The following NXPH1 variants were observed in gnomAD, a reference collection of about 807,000 sequenced individuals.
The protein encoded by NXPH1 is neurexophilin 1.
Under a neutral mutation model 23.7 loss-of-function variants are expected in NXPH1, and 5 were observed. That is an observed-to-expected ratio of 0.21 (90% CI 0.11 to 0.44). The LOEUF is 0.44. NXPH1 is among the 20% of genes least tolerant of loss of function. The pLI is 0.99. For missense variants in NXPH1, 324 were observed against 321.6 expected (o/e 1.01, Z -0.06); for synonymous variants, 144 against 122.2 (o/e 1.18, Z -1.18).
At chr7:8,604,173 T>A (rs1286585630) in intron 2 of NXPH1, among the ~76,000 whole-genome samples, 4 of 152,190 alleles carry the variant, frequency 2.6e-5, no homozygotes, top group Admixed American at 2.6e-4. Context: ...ATGTACTACT[T>A]GGTACATTTA....
chr7:8,546,542 T>C (rs1818200023), intron 2 of NXPH1, among the ~76,000 whole-genome samples: 1 of 151,476 alleles, frequency 6.6e-6, no homozygotes, highest in South Asian at 2.1e-4. Context: ...AGATGTTCTG[T>C]TTCAGTAGGT....
intron 2 of NXPH1, among the ~76,000 whole-genome samples, chr7:8,571,602 C>T (rs138036620): frequency 0.011 from 1,688 of 152,030 alleles, 16 homozygotes; most frequent in South Asian, 0.052. Flanking sequence ...AAATGCTAGA[C>T]ATATCCCTCT....
At chr7:8,545,565 A>G (rs1461824715) in intron 2 of NXPH1, among the ~76,000 whole-genome samples, 1 of 151,456 alleles carries the variant, frequency 6.6e-6, no homozygotes, top group East Asian at 1.9e-4. Flanking sequence ...CAAAATACTA[A>G]TCTGCAAATA....
chr7:8,528,371 G>A (rs1291999367), intron 2 of NXPH1, among the ~76,000 whole-genome samples: 1 of 152,252 alleles, frequency 6.6e-6, no homozygotes, highest in African/African-American at 2.4e-5. Flanking sequence ...CATTGCAGGA[G>A]AATGTGGTGG....
Position 8,435,830 on chromosome 7 carries a change from G to A in NXPH1, c.54+63G>A, listed in dbSNP as rs374736458. 3.3e-5 allele frequency: 48 copies of A among 1,471,978 alleles called. No homozygotes were observed. Among genetic ancestry groups the A allele is most frequent in the South Asian group, 3.2e-4 (28 of 88,246 alleles). The allele number at this position is 1,471,978 out of a possible 1,614,324, so 91.2% of individuals were successfully genotyped here. A position where few individuals can be genotyped will look rare whatever the true frequency, so the allele number is the denominator to read the frequency against. On this transcript the variant is annotated intron_variant, in intron 2 of 2. Coordinates refer to ENST00000405863, the MANE Select transcript of NXPH1 (RefSeq NM_152745.3). The surrounding 1 kb of genome is among the most constrained non-coding windows in gnomAD (Gnocchi z 5.9). ...CCCGGCCGGGAGGCAAGGAAACTGGGGACACGCGGGAGAAGGGTTACGCCG... is the reference window on the plus strand; with the variant it reads ...CCCGGCCGGGAGGCAAGGAAACTGGAGACACGCGGGAGAAGGGTTACGCCG...
At chr7:8,586,626 A>AATATATATAT (rs201601131) in intron 2 of NXPH1, among the ~76,000 whole-genome samples, 159 of 147,400 alleles carry the variant, frequency 1.1e-3, no homozygotes, top group African/African-American at 3.8e-3. Context: ...GAGAATAATG[A>AATATATATAT]ATATATATAT....
chr7:8,734,306 G>C (rs938422143), intron 2 of NXPH1, among the ~76,000 whole-genome samples: 4 of 152,142 alleles, frequency 2.6e-5, no homozygotes, highest in Non-Finnish European at 5.9e-5. Flanking sequence ...GTCAGGTAGC[G>C]TGATGCCTCC....
At chr7:8,679,578 T>C (rs1821019327) in intron 2 of NXPH1, among the ~76,000 whole-genome samples, 1 of 152,244 alleles carries the variant, frequency 6.6e-6, no homozygotes, top group Non-Finnish European at 1.5e-5. Context: ...TGTTTCTTTG[T>C]CACAAATTAA....
At chr7:8,635,466 G>T (rs1224202321) in intron 2 of NXPH1, among the ~76,000 whole-genome samples, 1 of 152,108 alleles carries the variant, frequency 6.6e-6, no homozygotes, top group African/African-American at 2.4e-5. Flanking sequence ...ATTAAATTCT[G>T]CAAGATCTTA....
chr7:8,691,670 C>T (rs1395249731), intron 2 of NXPH1, among the ~76,000 whole-genome samples: 3 of 152,148 alleles, frequency 2.0e-5, no homozygotes, highest in Non-Finnish European at 4.4e-5. Context: ...AGCTGGTTAA[C>T]TAATGTATCT....
chr7:8,579,945 A>T (rs1007721894), intron 2 of NXPH1, among the ~76,000 whole-genome samples: 3 of 152,212 alleles, frequency 2.0e-5, no homozygotes, highest in Non-Finnish European at 4.4e-5. Context: ...GAGAAAAAGC[A>T]AAGTCTTTAC....
intron 2 of NXPH1, among the ~76,000 whole-genome samples, chr7:8,622,949 A>C (rs776906674): frequency 6.6e-6 from 1 of 152,172 alleles, no homozygotes; most frequent in Non-Finnish European, 1.5e-5. Context: ...TGTTAACATG[A>C]AATTTATTGT....
intron 2 of NXPH1, among the ~76,000 whole-genome samples, chr7:8,675,067 G>A (rs925078884): frequency 8.5e-5 from 13 of 152,112 alleles, no homozygotes; most frequent in Admixed American, 7.9e-4. Flanking sequence ...ATAGAACAAG[G>A]GGTAGGCTAA....
chr7:8,655,501 C>T (rs1221577953), intron 2 of NXPH1, among the ~76,000 whole-genome samples: 11 of 14,776 alleles, frequency 7.4e-4, no homozygotes, highest in Non-Finnish European at 1.2e-3. Flanking sequence ...GTCCATCACA[C>T]GCACACACAC....
intron 2 of NXPH1, among the ~76,000 whole-genome samples, chr7:8,539,476 T>C (rs2128618259): frequency 6.6e-6 from 1 of 151,944 alleles, no homozygotes; most frequent in East Asian, 1.9e-4. Context: ...TATCTTTTCT[T>C]TTCGTAAATA....
rs974144039 is a variant in NXPH1 at position 8,747,073 on chromosome 7, T to C, written c.55-3935T>C. Among the ~76,000 whole-genome samples, 4 of 152,192 alleles carry C rather than the reference T, an allele frequency of 2.6e-5. No homozygotes were observed. The East Asian group carries it at 7.7e-4, about 29-fold the overall frequency. ...CAGGTACTGTCCTTAGTAATTTGAA[T>C]GGAGTGCCCTATTTAATCCTCACAA... On this transcript the variant is annotated intron_variant, in intron 2 of 2. Coordinates refer to ENST00000405863, the MANE Select transcript of NXPH1 (RefSeq NM_152745.3).
At chr7:8,645,104 C>CT (rs1562440903) in intron 2 of NXPH1, among the ~76,000 whole-genome samples, 1 of 152,058 alleles carries the variant, frequency 6.6e-6, no homozygotes, top group South Asian at 2.1e-4. Context: ...GGTTCTAAAT[C>CT]TTTTTTATTA....
chr7:8,527,582 T>A (rs555608513), intron 2 of NXPH1, among the ~76,000 whole-genome samples: 1 of 152,276 alleles, frequency 6.6e-6, no homozygotes, highest in East Asian at 1.9e-4. Flanking sequence ...GACTTAAATA[T>A]TTATAAATCT....
At chr7:8,518,716 C>T (rs1291912016) in intron 2 of NXPH1, among the ~76,000 whole-genome samples, 3 of 152,000 alleles carry the variant, frequency 2.0e-5, no homozygotes, top group African/African-American at 7.2e-5. Context: ...AAACTCCTGG[C>T]CTCAAGCAAT....
Sources: allele counts gnomAD v4.1 joint callset (sites outside exome capture counted in the v4.1 genomes callset), GRCh38; gene constraint gnomAD v4.1.1; non-coding constraint Gnocchi (gnomAD v3.1); transcripts MANE v1.5; gene names NCBI Gene and HGNC (gene_info 2026-07-23, HGNC 2026-07-21).